The following PLAGL1 variants were observed in gnomAD, a reference collection of about 807,000 sequenced individuals.
PLAGL1 encodes PLAG1 like zinc finger 1.
In PLAGL1, 1 loss-of-function variant was observed where a neutral mutation model predicts 4.6. That is an observed-to-expected ratio of 0.22 (90% CI 0.08 to 1.03). The LOEUF (loss-of-function observed/expected upper bound fraction) is 1.03, where lower values mean the gene tolerates loss of function less well. PLAGL1 is among the 50% of genes least tolerant of loss of function. The pLI, the probability that PLAGL1 is intolerant of heterozygous loss-of-function variation, is 0.58. For missense variants in PLAGL1, 464 were observed against 570.4 expected (o/e 0.81, Z 1.90); for synonymous variants, 240 against 237.8 (o/e 1.01, Z -0.08).
In PLAGL1 at chr6:144,056,340, A is replaced by T. The variant is rs1424311964; in HGVS notation, c.-151+8128T>A. Among the ~76,000 whole-genome samples, 1 of 151,990 alleles carries T rather than the reference A, an allele frequency of 6.6e-6. No homozygotes were observed. Among genetic ancestry groups the T allele is most frequent in the East Asian group, 1.9e-4 (1 of 5,188 alleles). On this transcript the variant is annotated intron_variant, in intron 1 of 3. Transcript: ENST00000437412. The surrounding 1 kb of genome is among the most constrained non-coding windows in gnomAD (Gnocchi z 4.7). Reference sequence around the variant, plus strand: ...CAATCCACACTGACACACCATTATCACCCAGCGTCCATGGTTCACATTCGG... The same window carrying T: ...CAATCCACACTGACACACCATTATCTCCCAGCGTCCATGGTTCACATTCGG...
chr6:144,032,535 G>C (rs1473313747), intron 1 of PLAGL1, among the ~76,000 whole-genome samples: 3 of 151,980 alleles, frequency 2.0e-5, no homozygotes, highest in Non-Finnish European at 4.4e-5. Flanking sequence ...CTACCTCCTA[G>C]TTCAGTTTTG....
chr6:144,019,227 C>G (rs1387289687), intron 1 of PLAGL1, among the ~76,000 whole-genome samples: 1 of 152,194 alleles, frequency 6.6e-6, no homozygotes, highest in Non-Finnish European at 1.5e-5. Flanking sequence ...GTAATCCCAG[C>G]ACTTTGGGAG....
At position 143,954,301 on chromosome 6, in the gene PLAGL1, G is replaced by T. The variant is rs1003204030; in HGVS notation, c.-324-5841C>A. Among the ~76,000 whole-genome samples the T allele has an allele frequency of 6.6e-6, 1 of 152,152 alleles. No individual in the cohort carries two copies. Among genetic ancestry groups the T allele is most frequent in the Non-Finnish European group, 1.5e-5 (1 of 68,028 alleles). On this transcript the variant is annotated intron_variant, in intron 6 of 7. Coordinates refer to ENST00000674357, the MANE Select transcript of PLAGL1 (RefSeq NM_001317162.2). The surrounding 1 kb of genome is among the most constrained non-coding windows in gnomAD (Gnocchi z 5.1). ...ACACAAAAAGTAACGGGGAAAAAAA[G>T]ACTACGGGGGGAAGGAAACTTCAAA...
intron 1 of PLAGL1, among the ~76,000 whole-genome samples, chr6:144,030,272 A>G (rs1796709140): frequency 6.6e-6 from 1 of 151,134 alleles, no homozygotes; most frequent in African/African-American, 2.4e-5. Flanking sequence ...AAAAAAAAAA[A>G]AAAAAAAAAA....
rs1670985951 is a variant in PLAGL1 at position 143,950,403 on chromosome 6, T to A, written c.-324-1943A>T. Among the ~76,000 whole-genome samples, 1 of 152,154 alleles carries A rather than the reference T, an allele frequency of 6.6e-6. No individual in the cohort carries two copies. The highest frequency in any genetic ancestry group is 1.5e-5 in the Non-Finnish European group (1 of 68,034). Reference sequence around the variant, plus strand: ...CCTGGTCACAAACAAAATAACTCCTTCTAGGAATTCTATTCCGCCTGCCGA... The same window carrying A: ...CCTGGTCACAAACAAAATAACTCCTACTAGGAATTCTATTCCGCCTGCCGA... On this transcript the variant is annotated intron_variant, in intron 6 of 7. Transcript: ENST00000674357. This position sits in a 1 kb window ranked among gnomAD's most constrained non-coding sequence, Gnocchi z 6.3.
In PLAGL1 at chr6:144,035,930, G is replaced by C. The variant is rs528446154; in HGVS notation, c.-151+28538C>G. On this transcript the variant is annotated intron_variant, in intron 1 of 3. Coordinates refer to the PLAGL1 transcript ENST00000437412. ...GGTGGGGCAAAGAAACGCAGTTCAG[G>C]GATCACTGGAGTGGGCTGGTGAGAA... Among the ~76,000 whole-genome samples, 178 of 152,288 alleles carry C rather than the reference G, an allele frequency of 1.2e-3. 1 individual carries two copies. The highest frequency in any genetic ancestry group is 3.9e-3 in the African/African-American group (164 of 41,560).
intron 7 of PLAGL1, among the ~76,000 whole-genome samples, chr6:143,944,212 T>C (rs945325515): frequency 2.0e-5 from 3 of 152,182 alleles, no homozygotes; most frequent in African/African-American, 4.8e-5. Flanking sequence ...TAAGACAGTA[T>C]GTTTAAGTCA....
chr6:144,038,378 A>G (rs979298456), intron 1 of PLAGL1, among the ~76,000 whole-genome samples: 10 of 152,248 alleles, frequency 6.6e-5, no homozygotes, highest in African/African-American at 2.4e-4. Context: ...TTACCAAAAA[A>G]TCTTGAAAGA....
At position 144,016,226 on chromosome 6, in the gene PLAGL1, G is replaced by T. The variant is rs910540080; in HGVS notation, c.-150-47248C>A. On this transcript the variant is annotated intron_variant, in intron 1 of 3. Coordinates refer to the PLAGL1 transcript ENST00000437412. This position sits in a 1 kb window ranked among gnomAD's most constrained non-coding sequence, Gnocchi z 4.2. ...TGAGGAGAAAGGAGAGCCAGTCCGA[G>T]TCCCAAAACTGAAGAACTTGGAGTC... 6.6e-6 allele frequency among the ~76,000 whole-genome samples: 1 copy of T among 152,192 alleles called. No individual in the cohort carries two copies. The highest frequency in any genetic ancestry group is 2.4e-5 in the African/African-American group (1 of 41,446).
rs1583932509 is a variant in PLAGL1 at position 144,061,676 on chromosome 6, AT to A, written c.-151+2791del. Among the ~76,000 whole-genome samples, 1 of 152,254 alleles carries A rather than the reference AT, an allele frequency of 6.6e-6. No homozygotes were observed. Among genetic ancestry groups the A allele is most frequent in the Non-Finnish European group, 1.5e-5 (1 of 68,046 alleles). On this transcript the variant is annotated intron_variant, in intron 1 of 3. Transcript: ENST00000437412. The surrounding 1 kb of genome is among the most constrained non-coding windows in gnomAD (Gnocchi z 4.4). ...TCTATACAGTTTTATTAAAATGTAT[AT>A]GAAAAAATAAGTCCCTGAGGAAGAA...
rs1221932465 is a variant in PLAGL1, at chr6:143,942,419, C to T, written c.397G>A (p.Glu133Lys). 5.0e-6 allele frequency: 8 copies of T among 1,613,996 alleles called. No individual in the cohort carries two copies. The highest frequency in any genetic ancestry group is 6.8e-6 in the Non-Finnish European group (8 of 1,179,998). ...GVCALELGST[E>K]VLLDHLKAHA... ...GCTTTGAGGTGGTCCAGTAGCACCT[C>T]GGTGCTCCCTAGCTCCAGGGCACAG... Residue 133 changes from glutamate to lysine, a missense_variant, in exon 8 of 8, where the codon GAG (glutamate) becomes AAG (lysine). Physicochemically the swap from Glu to Lys is moderately conservative, Grantham distance 56 (BLOSUM62 1). Coordinates refer to ENST00000674357, the MANE Select transcript of PLAGL1 (RefSeq NM_001317162.2). The surrounding 1 kb of genome is among the most constrained non-coding windows in gnomAD (Gnocchi z 7.6).
rs1482226148 is a variant in PLAGL1 at position 144,053,217 on chromosome 6, C to T, written c.-151+11251G>A. Among the ~76,000 whole-genome samples, 5 of 152,186 alleles carry T rather than the reference C, an allele frequency of 3.3e-5. No individual in the cohort carries two copies. ...TGGCGCAATTTTGGCTTACTGCAAC[C>T]TCTGCCTCCCGGGTTCAAGCAATTC... On this transcript the variant is annotated intron_variant, in intron 1 of 3. Coordinates refer to the PLAGL1 transcript ENST00000437412. This position sits in a 1 kb window ranked among gnomAD's most constrained non-coding sequence, Gnocchi z 4.0.
intron 1 of PLAGL1, among the ~76,000 whole-genome samples, chr6:144,049,335 C>A (rs76571572): frequency 0.022 from 3,313 of 152,318 alleles, 120 homozygotes; most frequent in African/African-American, 0.074. Context: ...AAAGTTGCTT[C>A]CTCATTTTTA....
At chr6:143,946,299 A>C (rs1779776428) in intron 7 of PLAGL1, among the ~76,000 whole-genome samples, 2 of 152,106 alleles carry the variant, frequency 1.3e-5, no homozygotes, top group African/African-American at 4.8e-5. Context: ...TTCTTTTCTA[A>C]ACATTGATCT....
Position 143,988,498 on chromosome 6 carries a change from G to A in PLAGL1, c.-583-3324C>T, listed in dbSNP as rs138728883. ...CCTGAAAGGCAAGACCTGGCATCAG[G>A]GGCTACTGTGGGCACTTTCCTTTGA... On this transcript the variant is annotated intron_variant, in intron 1 of 7. Coordinates refer to ENST00000674357, the MANE Select transcript of PLAGL1 (RefSeq NM_001317162.2). 4.6e-5 allele frequency among the ~76,000 whole-genome samples: 7 copies of A among 152,280 alleles called. No homozygotes were observed. The East Asian group carries it at 1.4e-3, about 29-fold the overall frequency.
chr6:144,009,209 G>C (rs1373583109), upstream of PLAGL1, among the ~76,000 whole-genome samples: 2 of 152,074 alleles, frequency 1.3e-5, no homozygotes, highest in African/African-American at 4.8e-5. Context: ...TGTTACTTTC[G>C]GCTTCCTAGC....
chr6:143,961,351 GTACA>G lies in PLAGL1; in HGVS notation c.-398-813_-398-810del, dbSNP rs1344052380. Reference sequence around the variant, plus strand: ...AAGCTTTTCAGGATTTTCTTAACTAGTACAAAGGCAAATCTGCTATGGAACAAAG... The same window carrying G: ...AAGCTTTTCAGGATTTTCTTAACTAGAAGGCAAATCTGCTATGGAACAAAG... On this transcript the variant is annotated intron_variant, in intron 5 of 7. Transcript: ENST00000674357. The surrounding 1 kb of genome is among the most constrained non-coding windows in gnomAD (Gnocchi z 6.5). 1 of 152,168 alleles carries G rather than the reference GTACA, an allele frequency of 6.6e-6. No homozygotes were observed. Among genetic ancestry groups the G allele is most frequent in the Non-Finnish European group, 1.5e-5 (1 of 68,034 alleles). 9.4% of individuals were successfully genotyped at this position (152,168 alleles called of 1,614,324 possible). A position where few individuals can be genotyped will look rare whatever the true frequency, so the allele number is the denominator to read the frequency against.
intron 1 of PLAGL1, among the ~76,000 whole-genome samples, chr6:144,003,297 T>C (rs1793331217): frequency 1.3e-5 from 2 of 151,910 alleles, no homozygotes; most frequent in African/African-American, 4.8e-5. Flanking sequence ...AACTATAAAG[T>C]TTCTGGAGGA....
In PLAGL1 at chr6:143,942,058, G is replaced by A. The variant is rs1183958334; in HGVS notation, c.758C>T (p.Ala253Val). The change falls in exon 8 of 8, where the codon GCA (alanine) becomes GTA (valine). Residue 253 changes from alanine (A) to valine (V), a missense_variant. Physicochemically the swap from Ala to Val is moderately conservative, Grantham distance 64. Coordinates refer to ENST00000674357, the MANE Select transcript of PLAGL1 (RefSeq NM_001317162.2). The surrounding 1 kb of genome is among the most constrained non-coding windows in gnomAD (Gnocchi z 7.6). ...ATGGACCTCAGCTGGCAAGCTACTTGCAAGCCCGTTCTGGGCAGAAGCTCC... is the reference window on the plus strand; with the variant it reads ...ATGGACCTCAGCTGGCAAGCTACTTACAAGCCCGTTCTGGGCAGAAGCTCC... ...PLGASAQNGLASSLPAEVHSL... is the reference protein window; with the variant it reads ...PLGASAQNGLVSSLPAEVHSL... 1 of 1,611,312 alleles carries A rather than the reference G, an allele frequency of 6.2e-7. No homozygotes were observed. The highest frequency in any genetic ancestry group is 8.5e-7 in the Non-Finnish European group (1 of 1,178,490).
Sources: gnomAD v4.1 joint callset for allele counts (sites outside exome capture counted in the v4.1 genomes callset) on GRCh38, gnomAD v4.1.1 for gene constraint, Gnocchi (gnomAD v3.1) non-coding constraint, MANE v1.5 for transcripts, NCBI Gene and HGNC (gene_info 2026-07-23, HGNC 2026-07-21) for gene names.